The following INSIG2 variants were observed in gnomAD, a reference collection of about 807,000 sequenced individuals.
The protein encoded by INSIG2 is insulin-induced gene 2 protein.
In INSIG2, 10 loss-of-function variants were observed where a neutral mutation model predicts 27.2. The observed-to-expected ratio is 0.37, with a 90% CI of 0.23 to 0.62. The LOEUF is 0.62. Ranked by LOEUF, INSIG2 falls within the 20% of genes least tolerant of loss-of-function variation. The pLI is 0.65. For missense variants in INSIG2, 178 were observed against 270.2 expected, an observed-to-expected ratio of 0.66 and a Z score of 2.39; for synonymous variants, 97 against 95.8, an observed-to-expected ratio of 1.01 and a Z score of -0.07.
rs1251721112 is a variant in INSIG2, at chr2:118,110,837, C to T, written c.*2515C>T. The T allele has an allele frequency of 6.6e-6, 1 of 152,108 alleles. No homozygotes were observed. The highest frequency in any genetic ancestry group is 1.5e-5 in the Non-Finnish European group (1 of 68,022). The allele number at this position is 152,108 out of a possible 1,614,324, so 9.4% of individuals were successfully genotyped here. On this transcript the variant is annotated 3_prime_UTR_variant, in exon 6 of 6. Transcript: ENST00000245787. ...AAAACAATTCAAATTAGCCAGAGCC[C>T]TGCTAAAACTTTTAATGTAAAATTT...
At chr2:118,089,534 A>C (rs1457427634) in intron 1 of INSIG2, among the ~76,000 whole-genome samples, 3 of 152,146 alleles carry the variant, frequency 2.0e-5, no homozygotes, top group Non-Finnish European at 4.4e-5. Flanking sequence ...TGAACCACTG[A>C]ATGAAGATGG....
chr2:118,093,166 TGAA>T (rs201131808), intron 1 of INSIG2, among the ~76,000 whole-genome samples: 132 of 77,468 alleles, frequency 1.7e-3, no homozygotes, highest in African/African-American at 7.7e-3. Context: ...ATGATGATGA[TGAA>T]GGAGAGTTCT....
intron 2 of INSIG2, among the ~76,000 whole-genome samples, chr2:118,102,057 CTGGGT>C (rs1033188057): frequency 1.8e-4 from 28 of 152,248 alleles, no homozygotes; most frequent in Admixed American, 1.8e-3. Context: ...CTGGCTAATA[CTGGGT>C]AGGGGGAGGG....
At position 118,109,622 on chromosome 2, in the gene INSIG2, G is replaced by A. The variant is rs1001817148; in HGVS notation, c.*1300G>A. On this transcript the variant is annotated 3_prime_UTR_variant, in exon 6 of 6. Coordinates refer to ENST00000245787, the MANE Select transcript of INSIG2 (RefSeq NM_016133.4). ...GAGTATGTGTGCACACGTGTGTGTT[G>A]GAGTGAGTGAGAGAATGTGTCTGTG... The A allele has an allele frequency of 1.3e-5, 2 of 152,442 alleles. No individual in the cohort carries two copies. Among genetic ancestry groups the A allele is most frequent in the Non-Finnish European group, 2.9e-5 (2 of 68,026 alleles). 9.4% of individuals were successfully genotyped at this position (152,442 alleles called of 1,614,324 possible).
Position 118,108,796 on chromosome 2 carries a change from T to C in INSIG2, c.*474T>C, listed in dbSNP as rs1678740731. Reference sequence around the variant, plus strand: ...TGGTATTTTCTCTTTAGCTTACTGTTGTGCCTTTTTATTTTTCTAATCACA... The same window carrying C: ...TGGTATTTTCTCTTTAGCTTACTGTCGTGCCTTTTTATTTTTCTAATCACA... On this transcript the variant is annotated 3_prime_UTR_variant, in exon 6 of 6. Coordinates refer to ENST00000245787, the MANE Select transcript of INSIG2 (RefSeq NM_016133.4). The C allele has an allele frequency of 6.5e-6, 1 of 152,688 alleles. No individual in the cohort carries two copies. Among genetic ancestry groups the C allele is most frequent in the South Asian group, 2.1e-4 (1 of 4,848 alleles). The allele number at this position is 152,688 out of a possible 1,614,324, so 9.5% of individuals were successfully genotyped here.
intron 1 of INSIG2, among the ~76,000 whole-genome samples, chr2:118,091,060 T>C (rs1472262086): frequency 6.6e-6 from 1 of 152,196 alleles, no homozygotes; most frequent in African/African-American, 2.4e-5. Context: ...TAAAAAAAAT[T>C]TTGGAGCATC....
At chr2:118,106,532 A>G in intron 3 of INSIG2, 1 of 493,104 alleles carries the variant, frequency 2.0e-6, no homozygotes, top group Non-Finnish European at 3.6e-6. Context: ...TCTATTGATT[A>G]ATGTCTTTTG....
In INSIG2 at chr2:118,106,758, A is replaced by T. The variant is rs751817363; in HGVS notation, c.391A>T (p.Ile131Leu). ...TCAGAAAGTGGATTTCGATAACAAC[A>T]TACAGTTGTCTCTCACACTGGCTGC... is the stretch of plus-strand genomic sequence containing the variant. ...ASAKVDFDNN[I>L]QLSLTLAALS... Residue 131 changes from isoleucine to leucine, a missense_variant, in exon 4 of 6, where the codon ATA becomes TTA. Physicochemically the swap from Ile to Leu is conservative, Grantham distance 5. Transcript: ENST00000245787. 2 of 1,613,984 alleles carry T rather than the reference A, an allele frequency of 1.2e-6. No individual in the cohort carries two copies. The highest frequency in any genetic ancestry group is 2.2e-5 in the South Asian group (2 of 91,052).
chr2:118,104,653 A>G (rs1417220619), intron 3 of INSIG2, among the ~76,000 whole-genome samples: 5 of 152,320 alleles, frequency 3.3e-5, no homozygotes, highest in Middle Eastern at 3.4e-3. Flanking sequence ...TAGGTAATTT[A>G]CTAAGTCATT....
intron 5 of INSIG2, among the ~76,000 whole-genome samples, chr2:118,107,790 A>G (rs1378814991): frequency 6.6e-6 from 1 of 152,184 alleles, no homozygotes; most frequent in Admixed American, 6.5e-5. Flanking sequence ...ACATTTTTAT[A>G]GCTGTACTTT....
intron 2 of INSIG2, among the ~76,000 whole-genome samples, chr2:118,101,424 G>A (rs1284949177): frequency 6.6e-6 from 1 of 152,052 alleles, no homozygotes; most frequent in Admixed American, 6.6e-5. Context: ...AAATATAGTC[G>A]ATTTTACTTA....
chr2:118,092,883 T>TGAG (rs1553466186), intron 1 of INSIG2, among the ~76,000 whole-genome samples: 5 of 139,584 alleles, frequency 3.6e-5, no homozygotes, highest in Admixed American at 2.2e-4. Flanking sequence ...ATGATGATGA[T>TGAG]GAGGACGAGG....
intron 2 of INSIG2, among the ~76,000 whole-genome samples, chr2:118,097,286 A>T (rs543398377): frequency 6.6e-6 from 1 of 152,188 alleles, no homozygotes; most frequent in South Asian, 2.1e-4. Context: ...ATCTCATCTA[A>T]GTGTTATTTT....
chr2:118,097,457 A>T (rs1232131869), intron 2 of INSIG2, among the ~76,000 whole-genome samples: 1 of 152,188 alleles, frequency 6.6e-6, no homozygotes, highest in South Asian at 2.1e-4. Context: ...TTTTATAAGT[A>T]CCTTAGAATA....
At chr2:118,099,138 T>G (rs1166193167) in intron 2 of INSIG2, among the ~76,000 whole-genome samples, 1 of 152,206 alleles carries the variant, frequency 6.6e-6, no homozygotes, top group Non-Finnish European at 1.5e-5. Flanking sequence ...CATAGTGTGT[T>G]TGAGTTTGTG....
intron 1 of INSIG2, 49 bp downstream of exon 1, chr2:118,088,590 A>T (rs1338479001): frequency 6.5e-6 from 1 of 152,958 alleles, no homozygotes; most frequent in African/African-American, 2.4e-5. Context: ...GTGCTGAGGA[A>T]AGCGGCCTGA....
intron 2 of INSIG2, among the ~76,000 whole-genome samples, chr2:118,097,643 TGACCAA>T (rs1453766856): frequency 6.6e-6 from 1 of 152,198 alleles, no homozygotes; most frequent in African/African-American, 2.4e-5. Context: ...TGTTTTCTAA[TGACCAA>T]GACCAATAGA....
chr2:118,100,068 C>G (rs1678503253), intron 2 of INSIG2, among the ~76,000 whole-genome samples: 1 of 152,182 alleles, frequency 6.6e-6, no homozygotes, highest in African/African-American at 2.4e-5. Context: ...GACCCTGCAG[C>G]TCCCTTTGTG....
chr2:118,095,844 T>TGTGTGC (rs1678393372), intron 1 of INSIG2, among the ~76,000 whole-genome samples: 1 of 152,108 alleles, frequency 6.6e-6, no homozygotes, highest in Non-Finnish European at 1.5e-5. Context: ...TATATGTAGG[T>TGTGTGC]GTGTGCGTGG....
Sources: gnomAD v4.1 joint callset for allele counts (sites outside exome capture counted in the v4.1 genomes callset) on GRCh38, gnomAD v4.1.1 for gene constraint, MANE v1.5 for transcripts, NCBI Gene and HGNC (gene_info 2026-07-23, HGNC 2026-07-21) for gene names.